RBFOX1: variants seen among roughly 807,000 people sequenced by gnomAD.
RBFOX1 encodes the protein RNA binding protein fox-1 homolog 1.
A neutral mutation model predicts 57.7 loss-of-function variants in RBFOX1; 8 were observed. The observed-to-expected ratio is 0.14, with a 90% confidence interval of 0.08 to 0.25. The LOEUF is 0.25. Ranked by LOEUF, RBFOX1 falls within the 10% of genes least tolerant of loss-of-function variation. The pLI, the probability that RBFOX1 is intolerant of heterozygous loss-of-function variation, is 1.00. For synonymous variants in RBFOX1, 326 were observed against 222.4 expected (o/e 1.47, Z -4.15); for missense variants, 611 against 548.5 (o/e 1.11, Z -1.14).
chr16:6,658,129 C>G (rs1366283052), intron 3 of RBFOX1, among the ~76,000 whole-genome samples: 1 of 152,120 alleles, frequency 6.6e-6, no homozygotes, highest in African/African-American at 2.4e-5. Context: ...TTCCCATTCT[C>G]TTCCTTTCAA....
chr16:6,551,074 G>T (rs971741605), intron 2 of RBFOX1, among the ~76,000 whole-genome samples: 2 of 152,168 alleles, frequency 1.3e-5, no homozygotes, highest in African/African-American at 4.8e-5. Context: ...TTGCCTCCTG[G>T]ACCCATTTTA....
chr16:7,479,571 G>A (rs770859790), intron 4 of RBFOX1, among the ~76,000 whole-genome samples: 1 of 152,270 alleles, frequency 6.6e-6, no homozygotes, highest in Admixed American at 6.5e-5. Context: ...AGCTGGTTGG[G>A]CCTGGGGTGT....
intron 4 of RBFOX1, among the ~76,000 whole-genome samples, chr16:7,488,517 C>G (rs914376628): frequency 6.6e-6 from 1 of 152,138 alleles, no homozygotes; most frequent in Non-Finnish European, 1.5e-5. Context: ...CATTGTCTAC[C>G]TATCTACTAT....
At chr16:7,365,002 ATCTG>A (rs199952691) in intron 4 of RBFOX1, among the ~76,000 whole-genome samples, 247 of 137,242 alleles carry the variant, frequency 1.8e-3, no homozygotes, top group African/African-American at 4.8e-3. Context: ...TGGGGAATCT[ATCTG>A]TCTGTCTGTC....
intron 1 of RBFOX1, among the ~76,000 whole-genome samples, chr16:6,124,071 C>T (rs1029033365): frequency 1.3e-5 from 2 of 152,178 alleles, no homozygotes; most frequent in African/African-American, 4.8e-5. Flanking sequence ...GAGACATAGG[C>T]TGGAGACTGG....
chr16:6,172,211 A>T (rs1333797593), intron 1 of RBFOX1, among the ~76,000 whole-genome samples: 1 of 152,172 alleles, frequency 6.6e-6, no homozygotes, highest in Non-Finnish European at 1.5e-5. Context: ...CAAGTGTGTC[A>T]CTTTGCAGCC....
chr16:6,325,848 T>C (rs940298899), intron 2 of RBFOX1, among the ~76,000 whole-genome samples: 2 of 152,220 alleles, frequency 1.3e-5, no homozygotes, highest in Admixed American at 1.3e-4. Context: ...CTAGTTTCTT[T>C]TGAATTCAGG....
intron 2 of RBFOX1, among the ~76,000 whole-genome samples, chr16:5,477,206 G>C (rs951912185): frequency 1.3e-5 from 2 of 152,114 alleles, no homozygotes; most frequent in African/African-American, 4.8e-5. Flanking sequence ...TGTAGAGATG[G>C]GGTCTTGCTT....
At chr16:6,245,148 C>T (rs2097562137) in intron 1 of RBFOX1, among the ~76,000 whole-genome samples, 1 of 152,148 alleles carries the variant, frequency 6.6e-6, no homozygotes, top group Non-Finnish European at 1.5e-5. Flanking sequence ...AATGAACTCA[C>T]AAATAAATGC....
chr16:6,566,270 C>T (rs562815525), intron 2 of RBFOX1, among the ~76,000 whole-genome samples: 7 of 152,324 alleles, frequency 4.6e-5, no homozygotes, highest in African/African-American at 1.4e-4. Flanking sequence ...ACAGGCCAGT[C>T]TCACAGCATC....
intron 3 of RBFOX1, among the ~76,000 whole-genome samples, chr16:6,922,451 C>G (rs948451031): frequency 2.6e-4 from 39 of 152,200 alleles, no homozygotes; most frequent in Admixed American, 2.2e-3. Context: ...TGTCTTGCCT[C>G]TTCCTGAATT....
chr16:6,652,974 C>T (rs1254309798), intron 2 of RBFOX1, among the ~76,000 whole-genome samples: 1 of 152,136 alleles, frequency 6.6e-6, no homozygotes, highest in Admixed American at 6.5e-5. Context: ...ATAAAGTAAA[C>T]ATCTCCCTGT....
At chr16:6,850,741 A>C (rs762813640) in intron 3 of RBFOX1, among the ~76,000 whole-genome samples, 2 of 152,210 alleles carry the variant, frequency 1.3e-5, no homozygotes, top group Non-Finnish European at 2.9e-5. Flanking sequence ...GACAATACCA[A>C]ATGCTGTCAA....
At chr16:6,697,145 C>A (rs1473799196) in intron 3 of RBFOX1, among the ~76,000 whole-genome samples, 2 of 152,096 alleles carry the variant, frequency 1.3e-5, no homozygotes, top group African/African-American at 4.8e-5. Flanking sequence ...CAGGGATTGA[C>A]TAGAGAAATA....
rs1288274358 is a variant in RBFOX1, at chr16:5,958,261, G to A, written c.351+90926G>A. Among the ~76,000 whole-genome samples, 3 of 152,178 alleles carry A rather than the reference G, an allele frequency of 2.0e-5. No homozygotes were observed. The East Asian group carries it at 5.8e-4, about 29-fold the overall frequency. On this transcript the variant is annotated intron_variant, in intron 4 of 19. Coordinates refer to the RBFOX1 transcript ENST00000641259. ...TGGCCCTGCTTTAATGAGTACATGA[G>A]ACTTGCTTGGAATTAGCATTATTTG...
intron 2 of RBFOX1, among the ~76,000 whole-genome samples, chr16:6,404,866 C>T (rs2093218028): frequency 6.6e-6 from 1 of 152,182 alleles, no homozygotes; most frequent in Non-Finnish European, 1.5e-5. Context: ...AATACTTAAA[C>T]CTTCGTGGAT....
intron 2 of RBFOX1, among the ~76,000 whole-genome samples, chr16:6,475,110 C>T (rs948553090): frequency 1.3e-5 from 2 of 152,192 alleles, no homozygotes; most frequent in Non-Finnish European, 2.9e-5. Context: ...AGTGGATAGA[C>T]TTCCAACAAA....
intron 10 of RBFOX1, among the ~76,000 whole-genome samples, chr16:7,611,219 A>T (rs1368664224): frequency 6.6e-6 from 1 of 152,212 alleles, no homozygotes; most frequent in South Asian, 2.1e-4. Flanking sequence ...AATATTTTCA[A>T]TCTCTCCTAA....
intron 4 of RBFOX1, among the ~76,000 whole-genome samples, chr16:7,481,944 A>T (rs1383774838): frequency 6.6e-6 from 1 of 152,168 alleles, no homozygotes; most frequent in East Asian, 1.9e-4. Context: ...GAAAGTGAAA[A>T]ACAGTATGGT....
Sources: allele counts gnomAD v4.1 joint callset (sites outside exome capture counted in the v4.1 genomes callset), GRCh38; gene constraint gnomAD v4.1.1; transcripts MANE v1.5; gene names NCBI Gene and HGNC (gene_info 2026-07-23, HGNC 2026-07-21).